RBFOX1: variants seen among roughly 807,000 people sequenced by gnomAD.
RBFOX1 encodes the protein RNA binding protein fox-1 homolog 1.
RBFOX1 carries 8 observed loss-of-function variants against 57.7 expected under a neutral mutation model. The ratio of observed to expected loss-of-function variants is 0.14; its 90% CI spans 0.08 to 0.25. RBFOX1 has a LOEUF of 0.25. Among genes scored for constraint, RBFOX1 ranks in the 10% least tolerant of loss-of-function variants. The pLI is 1.00. For missense variants in RBFOX1, 611 were observed against 548.5 expected (o/e 1.11, Z -1.14); for synonymous variants, 326 against 222.4 (o/e 1.47, Z -4.15).
At chr16:5,881,461 C>G (rs960323083) in intron 4 of RBFOX1, among the ~76,000 whole-genome samples, 1 of 152,084 alleles carries the variant, frequency 6.6e-6, no homozygotes, top group African/African-American at 2.4e-5. Flanking sequence ...AGGTGGATCA[C>G]TTGAGGTGAA....
intron 2 of RBFOX1, among the ~76,000 whole-genome samples, chr16:6,406,724 C>T (rs531259285): frequency 2.3e-4 from 35 of 152,114 alleles, no homozygotes; most frequent in Non-Finnish European, 4.7e-4. Flanking sequence ...TGCTGGGACC[C>T]CCATCATGGC....
At chr16:7,507,840 G>C (rs1429670962) in intron 4 of RBFOX1, among the ~76,000 whole-genome samples, 1 of 150,792 alleles carries the variant, frequency 6.6e-6, no homozygotes, top group Non-Finnish European at 1.5e-5. Context: ...TGGGATTACA[G>C]GCATGAGCCA....
chr16:5,630,257 G>A (rs922729299), intron 3 of RBFOX1, among the ~76,000 whole-genome samples: 1 of 152,140 alleles, frequency 6.6e-6, no homozygotes, highest in African/African-American at 2.4e-5. Flanking sequence ...AGGAGTTCGA[G>A]ACCAGCCTGG....
chr16:6,987,205 A>C (rs1389848642), intron 3 of RBFOX1, among the ~76,000 whole-genome samples: 1 of 152,156 alleles, frequency 6.6e-6, no homozygotes, highest in Non-Finnish European at 1.5e-5. Flanking sequence ...TTGATTACCC[A>C]TAATAACAAG....
At chr16:7,567,117 A>T (rs996360954) in intron 5 of RBFOX1, among the ~76,000 whole-genome samples, 3 of 145,860 alleles carry the variant, frequency 2.1e-5, no homozygotes, top group African/African-American at 7.5e-5. Context: ...ATATCCATAT[A>T]TATCTCCCTA....
At chr16:6,777,514 A>T (rs995937215) in intron 3 of RBFOX1, among the ~76,000 whole-genome samples, 1 of 152,040 alleles carries the variant, frequency 6.6e-6, no homozygotes, top group Non-Finnish European at 1.5e-5. Flanking sequence ...TCTACATTCT[A>T]TTTTGTAATG....
chr16:7,473,387 C>CAT (rs985603315), intron 4 of RBFOX1, among the ~76,000 whole-genome samples: 9 of 147,426 alleles, frequency 6.1e-5, no homozygotes, highest in East Asian at 2.0e-4. Flanking sequence ...CTCATATATA[C>CAT]ATATATATAT....
At chr16:7,631,940 C>A (rs1352710262) in intron 11 of RBFOX1, among the ~76,000 whole-genome samples, 5 of 152,162 alleles carry the variant, frequency 3.3e-5, no homozygotes, top group Non-Finnish European at 7.3e-5. Flanking sequence ...GACAAAGTCT[C>A]ACTCTGTTAC....
chr16:6,735,740 G>A (rs1225187947), intron 3 of RBFOX1, among the ~76,000 whole-genome samples: 2 of 152,144 alleles, frequency 1.3e-5, no homozygotes, highest in African/African-American at 4.8e-5. Flanking sequence ...CAGTGCAGGA[G>A]TCTACCATGA....
intron 4 of RBFOX1, among the ~76,000 whole-genome samples, chr16:7,502,377 A>G (rs1178026496): frequency 1.3e-5 from 2 of 152,192 alleles, no homozygotes; most frequent in African/African-American, 2.4e-5. Context: ...AAAATCGAAT[A>G]ATTAAAAATA....
At chr16:5,771,581 G>C (rs2053978579) in intron 3 of RBFOX1, among the ~76,000 whole-genome samples, 2 of 152,080 alleles carry the variant, frequency 1.3e-5, no homozygotes, top group South Asian at 4.1e-4. Flanking sequence ...GCTAATTTTT[G>C]TATTTTTAGC....
intron 4 of RBFOX1, among the ~76,000 whole-genome samples, chr16:5,927,535 T>C (rs183747586): frequency 1.4e-3 from 206 of 152,308 alleles, no homozygotes; most frequent in Non-Finnish European, 2.5e-3. Flanking sequence ...GAAAACAATA[T>C]GGAGGTTCCC....
chr16:5,970,533 A>G (rs1324768049), intron 4 of RBFOX1, among the ~76,000 whole-genome samples: 3 of 152,098 alleles, frequency 2.0e-5, no homozygotes, highest in Non-Finnish European at 4.4e-5. Flanking sequence ...TCCAGTTTCA[A>G]CCAATGAGTT....
chr16:5,698,959 C>T (rs1046148397), intron 3 of RBFOX1, among the ~76,000 whole-genome samples: 7 of 147,684 alleles, frequency 4.7e-5, no homozygotes, highest in African/African-American at 1.5e-4. Flanking sequence ...TTAGATATCT[C>T]TCTTATAAAC....
chr16:7,400,744 G>A (rs144085199), intron 4 of RBFOX1, among the ~76,000 whole-genome samples: 1 of 152,168 alleles, frequency 6.6e-6, no homozygotes, highest in Admixed American at 6.5e-5. Flanking sequence ...CCATCAGTCT[G>A]CAGTAATCCA....
chr16:5,661,911 G>T (rs1418152214), intron 3 of RBFOX1, among the ~76,000 whole-genome samples: 2 of 152,000 alleles, frequency 1.3e-5, no homozygotes, highest in Admixed American at 1.3e-4. Context: ...GCAGCTGCCC[G>T]AGTCGCTGGG....
At chr16:6,500,896 T>TTGTTTGTTTGTTTGTTTG (rs1555507186) in intron 2 of RBFOX1, among the ~76,000 whole-genome samples, 31,419 of 142,202 alleles carry the variant, frequency 0.22, 4,163 homozygotes, top group Non-Finnish European at 0.3. Flanking sequence ...TTTTTTTTTT[T>TTGTTTGTTTGTTTGTTTG]TTTTTAATGC....
chr16:5,754,203 A>G (rs935155362), intron 3 of RBFOX1, among the ~76,000 whole-genome samples: 12 of 152,222 alleles, frequency 7.9e-5, no homozygotes, highest in Non-Finnish European at 1.6e-4. Context: ...GCCACATGCA[A>G]GCTACTTAAC....
At position 7,278,185 on chromosome 16, in the gene RBFOX1, T is replaced by C. The variant is rs528168793; in HGVS notation, c.27+226087T>C. Among the ~76,000 whole-genome samples, 54 of 152,302 alleles carry C rather than the reference T, an allele frequency of 3.5e-4. 1 individual carries two copies. The highest frequency in any genetic ancestry group is 1.3e-3 in the African/African-American group (54 of 41,580). On this transcript the variant is annotated intron_variant, in intron 4 of 15. Coordinates refer to ENST00000550418, the MANE Select transcript of RBFOX1 (RefSeq NM_018723.4). ...GGTTTTAAGTTGGAAATGGTTGATA[T>C]GGTTATACTTGGTGTATGCATTCAA...
Sources: allele counts gnomAD v4.1 joint callset (sites outside exome capture counted in the v4.1 genomes callset), GRCh38; gene constraint gnomAD v4.1.1; transcripts MANE v1.5; gene names NCBI Gene and HGNC (gene_info 2026-07-23, HGNC 2026-07-21).